The following ATP10A variants were observed in gnomAD, a reference collection of about 807,000 sequenced individuals.
ATP10A encodes the protein ATPase phospholipid transporting 10A (putative).
ATP10A carries 111 observed loss-of-function variants against 147.8 expected under a neutral mutation model. The ratio of observed to expected loss-of-function variants is 0.75; its 90% CI spans 0.64 to 0.88. The LOEUF (loss-of-function observed/expected upper bound fraction) is 0.88. ATP10A is among the 40% of genes least tolerant of loss of function. The pLI is 0.00. For missense variants in ATP10A, 1,927 were observed against 1,959.0 expected, an observed-to-expected ratio of 0.98 and a Z score of 0.31; for synonymous variants, 875 against 841.6, an observed-to-expected ratio of 1.04 and a Z score of -0.69.
At chr15:25,745,040 T>C (rs898770998) in intron 2 of ATP10A, among the ~76,000 whole-genome samples, 2 of 152,096 alleles carry the variant, frequency 1.3e-5, no homozygotes, top group Non-Finnish European at 2.9e-5. Context: ...TAAAGGGAAA[T>C]TGGGGCCGGG....
chr15:25,815,009 A>G (rs1392689000), intron 1 of ATP10A, among the ~76,000 whole-genome samples: 1 of 152,150 alleles, frequency 6.6e-6, no homozygotes, highest in African/African-American at 2.4e-5. Context: ...AGGTTCTCTC[A>G]AAGAATCAGA....
Position 25,833,904 on chromosome 15 carries a change from G to A in ATP10A, c.449+28744C>T, listed in dbSNP as rs189196936. The stretch of plus-strand genomic sequence containing the variant: ...GGAGAAAGGAGTGAACCCGGGAGGC[G>A]GAGCTTGCAGTGAGCCCAGATGGCG... On this transcript the variant is annotated intron_variant, in intron 1 of 20. Transcript: ENST00000555815. Among the ~76,000 whole-genome samples the A allele has an allele frequency of 4.2e-3, 634 of 152,136 alleles. 6 individuals are homozygous for A. Among genetic ancestry groups the A allele is most frequent in the African/African-American group, 0.014 (589 of 41,508 alleles).
intron 2 of ATP10A, among the ~76,000 whole-genome samples, chr15:25,775,197 A>G (rs1889543350): frequency 6.6e-6 from 1 of 152,218 alleles, no homozygotes; most frequent in Non-Finnish European, 1.5e-5. Flanking sequence ...TACCTTGCAA[A>G]TTATACTTTT....
At chr15:25,735,649 A>G (rs1186121146) in intron 3 of ATP10A, among the ~76,000 whole-genome samples, 5 of 152,238 alleles carry the variant, frequency 3.3e-5, no homozygotes, top group African/African-American at 9.6e-5. Flanking sequence ...AGCATGTAAC[A>G]GGTATCAATA....
At chr15:25,792,467 A>C (rs1890472625) in intron 1 of ATP10A, among the ~76,000 whole-genome samples, 1 of 152,200 alleles carries the variant, frequency 6.6e-6, no homozygotes, top group East Asian at 1.9e-4. Context: ...AGCCTCAACA[A>C]ACACCCATGC....
At chr15:25,804,513 T>C (rs114961633) in intron 1 of ATP10A, among the ~76,000 whole-genome samples, 1 of 151,600 alleles carries the variant, frequency 6.6e-6, no homozygotes, top group African/African-American at 2.4e-5. Context: ...GTGACGTGTG[T>C]GTACATGCAT....
intron 7 of ATP10A, among the ~76,000 whole-genome samples, chr15:25,720,248 G>A (rs1185537792): frequency 6.6e-6 from 1 of 152,184 alleles, no homozygotes; most frequent in Non-Finnish European, 1.5e-5. Flanking sequence ...TGTGTACAAT[G>A]TGGCATGATT....
intron 1 of ATP10A, among the ~76,000 whole-genome samples, chr15:25,855,218 G>T (rs1328351166): frequency 6.6e-6 from 1 of 152,094 alleles, no homozygotes; most frequent in Non-Finnish European, 1.5e-5. Context: ...GAATTCAAAT[G>T]CAAAATTCTC....
chr15:25,741,340 C>A (rs978021321), intron 2 of ATP10A, among the ~76,000 whole-genome samples: 2 of 152,148 alleles, frequency 1.3e-5, no homozygotes, highest in African/African-American at 4.8e-5. Context: ...AGAGCCCCTG[C>A]CTGCCGCACC....
intron 12 of ATP10A, among the ~76,000 whole-genome samples, chr15:25,704,501 G>A (rs1361834657): frequency 3.3e-5 from 5 of 152,196 alleles, no homozygotes; most frequent in Non-Finnish European, 7.3e-5. Flanking sequence ...ACTCCAGTAC[G>A]GAGGGTGTCT....
intron 1 of ATP10A, among the ~76,000 whole-genome samples, chr15:25,828,280 T>C (rs1354457127): frequency 1.3e-5 from 2 of 152,168 alleles, no homozygotes; most frequent in East Asian, 3.8e-4. Context: ...TTGAAAAATA[T>C]TATAAATGAA....
At chr15:25,827,397 C>CT (rs1032108004) in intron 1 of ATP10A, among the ~76,000 whole-genome samples, 3 of 152,112 alleles carry the variant, frequency 2.0e-5, no homozygotes, top group Admixed American at 6.5e-5. Context: ...CTTTGTAACT[C>CT]TTTTTTCCCC....
chr15:25,695,561 G>A (rs1046927839), intron 13 of ATP10A, among the ~76,000 whole-genome samples: 10 of 152,078 alleles, frequency 6.6e-5, no homozygotes, highest in Admixed American at 5.9e-4. Context: ...CCTGGGAGGC[G>A]GAGCTTGCAG....
Position 25,841,112 on chromosome 15 carries a change from C to T in ATP10A, c.449+21536G>A, listed in dbSNP as rs187133572. Among the ~76,000 whole-genome samples, 3 of 152,254 alleles carry T rather than the reference C, an allele frequency of 2.0e-5. No homozygotes were observed. The East Asian group carries it at 5.8e-4, about 29-fold the overall frequency. The stretch of plus-strand genomic sequence containing the variant: ...ATTTCTCTGCTCTTTTTCATTGGAT[C>T]TTTCCCACAGCAAAGGATAATGCTT... On this transcript the variant is annotated intron_variant, in intron 1 of 20. Coordinates refer to ENST00000555815, the MANE Select transcript of ATP10A (RefSeq NM_024490.4).
chr15:25,708,612 C>T (rs796544896), intron 10 of ATP10A: 22 of 267,386 alleles, frequency 8.2e-5, no homozygotes, highest in African/African-American at 2.7e-4. Context: ...TGAGCCACTG[C>T]GCCCTGCTGA....
Position 25,862,677 on chromosome 15 carries a change from G to A in ATP10A, c.420C>T (p.Ile140=), listed in dbSNP as rs748608703. The stretch of plus-strand genomic sequence containing the variant: ...TGAAGACCAGGCAGCCCAGGTGGTT[G>A]ATCTTGTGGTCGGAGCGGTGGCGGC... ...DYSRHRSDHK[I]NHLGCLVFSR... is the part of the protein sequence containing the mutation. The change falls in exon 1 of 21, where the codon ATC becomes ATT. Residue 140 remains isoleucine, a synonymous_variant. Transcript: ENST00000555815. The A allele has an allele frequency of 1.9e-6, 3 of 1,599,030 alleles. No individual in the cohort carries two copies. The highest frequency in any genetic ancestry group is 3.4e-5 in the Admixed American group (2 of 59,142).
chr15:25,860,233 C>G (rs980522937), intron 1 of ATP10A, among the ~76,000 whole-genome samples: 3 of 152,158 alleles, frequency 2.0e-5, no homozygotes, highest in African/African-American at 7.2e-5. Context: ...CGATCTCTCA[C>G]TGCAGCACCC....
chr15:25,709,585 C>G (rs1349222399), intron 10 of ATP10A: 2 of 152,260 alleles, frequency 1.3e-5, no homozygotes, highest in African/African-American at 4.8e-5. Flanking sequence ...CCACTCGGGA[C>G]CCTGGGTGCC....
intron 1 of ATP10A, among the ~76,000 whole-genome samples, chr15:25,797,196 G>A (rs970837439): frequency 1.3e-5 from 2 of 152,064 alleles, no homozygotes; most frequent in Non-Finnish European, 2.9e-5. Context: ...TAGGTTCCAC[G>A]CGTACGGGAG....
Sources: allele counts gnomAD v4.1 joint callset (sites outside exome capture counted in the v4.1 genomes callset), GRCh38; gene constraint gnomAD v4.1.1; transcripts MANE v1.5; gene names NCBI Gene and HGNC (gene_info 2026-07-23, HGNC 2026-07-21).